Variants in MUSK observed in about 807,000 individuals in gnomAD.
MUSK encodes the protein muscle associated receptor tyrosine kinase.
A neutral mutation model predicts 88.7 loss-of-function variants in MUSK; 55 were observed. The ratio of observed to expected loss-of-function variants is 0.62; its 90% CI spans 0.50 to 0.78. The LOEUF (loss-of-function observed/expected upper bound fraction) is 0.78. Ranked by LOEUF, MUSK falls within the 30% of genes least tolerant of loss-of-function variation. The probability of loss-of-function intolerance (pLI) is 0.00; values close to 1 mark genes in which losing one functional copy is unlikely to be tolerated. For missense variants in MUSK, 1,015 were observed against 1,074.3 expected, an observed-to-expected ratio of 0.94 and a Z score of 0.77; for synonymous variants, 387 against 391.9, an observed-to-expected ratio of 0.99 and a Z score of 0.15.
chr9:110,768,492 A>G (rs762425403), intron 9 of MUSK, among the ~76,000 whole-genome samples: 1 of 152,166 alleles, frequency 6.6e-6, no homozygotes, highest in African/African-American at 2.4e-5. Context: ...CTCTGTCTCA[A>G]ACAAACAAAC....
At chr9:110,689,110 ATAATT>A (rs1177849603) in intron 3 of MUSK, among the ~76,000 whole-genome samples, 1 of 136,200 alleles carries the variant, frequency 7.3e-6, no homozygotes, top group Non-Finnish European at 1.5e-5. Flanking sequence ...ATATAGTTTT[ATAATT>A]TATTTATATA....
At chr9:110,709,932 GC>G (rs952333194) in intron 5 of MUSK, among the ~76,000 whole-genome samples, 16 of 152,096 alleles carry the variant, frequency 1.1e-4, no homozygotes, top group African/African-American at 3.9e-4. Context: ...ATTGCTTGAG[GC>G]CAGGAGTTCG....
chr9:110,741,191 G>T (rs969035334), intron 6 of MUSK, among the ~76,000 whole-genome samples: 1 of 152,020 alleles, frequency 6.6e-6, no homozygotes, highest in African/African-American at 2.4e-5. Flanking sequence ...TAGCTTGATT[G>T]CAGTAATCAT....
At chr9:110,712,826 G>A (rs191690286) in intron 5 of MUSK, among the ~76,000 whole-genome samples, 25 of 152,290 alleles carry the variant, frequency 1.6e-4, no homozygotes, top group African/African-American at 4.8e-4. Flanking sequence ...GGATACAGAC[G>A]AAAGAGAGAT....
intron 1 of MUSK, among the ~76,000 whole-genome samples, chr9:110,678,021 T>C (rs1314516539): frequency 1.3e-5 from 2 of 152,242 alleles, no homozygotes; most frequent in Admixed American, 1.3e-4. Flanking sequence ...AATTTTACTT[T>C]AGGGCTTTAC....
intron 5 of MUSK, among the ~76,000 whole-genome samples, chr9:110,704,800 A>G (rs890067495): frequency 3.9e-5 from 6 of 152,064 alleles, no homozygotes; most frequent in African/African-American, 1.2e-4. Flanking sequence ...CCTGGCCAAC[A>G]TGGTGAAACC....
At chr9:110,735,869 C>G (rs1007831147) in intron 6 of MUSK, among the ~76,000 whole-genome samples, 13 of 152,018 alleles carry the variant, frequency 8.6e-5, no homozygotes, top group Non-Finnish European at 1.8e-4. Context: ...TTTAAACAAC[C>G]AGATCTCACA....
In MUSK at chr9:110,671,641, A is replaced by T. The variant is rs60669317; in HGVS notation, c.79+2658A>T. Among the ~76,000 whole-genome samples, 21 of 152,326 alleles carry T rather than the reference A, an allele frequency of 1.4e-4. No individual in the cohort carries two copies. In the East Asian group the frequency reaches 3.3e-3, roughly 24 times the overall value. On this transcript the variant is annotated intron_variant, in intron 1 of 14. Coordinates refer to ENST00000374448, the MANE Select transcript of MUSK (RefSeq NM_005592.4). ...AATCATTGTCTTTCTGAATCATTTCAACTAGTGATATTTTCAATGATGAAT... is the reference window on the plus strand; with the variant it reads ...AATCATTGTCTTTCTGAATCATTTCTACTAGTGATATTTTCAATGATGAAT...
At chr9:110,706,389 A>T (rs904468782) in intron 5 of MUSK, among the ~76,000 whole-genome samples, 3 of 152,130 alleles carry the variant, frequency 2.0e-5, no homozygotes, top group Non-Finnish European at 4.4e-5. Context: ...TTTCAGGGCC[A>T]TATAGAGGAA....
At chr9:110,719,567 C>T (rs770737364) in intron 5 of MUSK, among the ~76,000 whole-genome samples, 20 of 152,028 alleles carry the variant, frequency 1.3e-4, no homozygotes, top group Admixed American at 4.6e-4. Flanking sequence ...TACACCTTAA[C>T]ACTGGAGCTC....
intron 8 of MUSK, among the ~76,000 whole-genome samples, chr9:110,763,052 CAT>C (rs995173328): frequency 2.2e-4 from 33 of 152,018 alleles, no homozygotes; most frequent in African/African-American, 6.0e-4. Flanking sequence ...ACAATGCGTA[CAT>C]GTTTTAAAAC....
chr9:110,701,484 CTTGT>C (rs963488114), intron 5 of MUSK, among the ~76,000 whole-genome samples: 11 of 151,760 alleles, frequency 7.2e-5, no homozygotes, highest in South Asian at 2.1e-4. Context: ...TTCCGTCTTT[CTTGT>C]TTGTTTGTTT....
intron 8 of MUSK, among the ~76,000 whole-genome samples, chr9:110,764,396 A>G (rs2077443662): frequency 6.6e-6 from 1 of 152,124 alleles, no homozygotes; most frequent in South Asian, 2.1e-4. Flanking sequence ...AAAATGTTTG[A>G]AGTGATAGAT....
chr9:110,744,815 G>A (rs2077152614), intron 6 of MUSK, among the ~76,000 whole-genome samples: 1 of 152,146 alleles, frequency 6.6e-6, no homozygotes, highest in South Asian at 2.1e-4. Flanking sequence ...TGCATTTCCT[G>A]TAACTACCAG....
At chr9:110,719,330 T>G (rs1323598503) in intron 5 of MUSK, among the ~76,000 whole-genome samples, 2 of 152,120 alleles carry the variant, frequency 1.3e-5, no homozygotes, top group Non-Finnish European at 2.9e-5. Flanking sequence ...AAGTTTCTAC[T>G]GTCTTCAAGA....
chr9:110,687,334 T>G, intron 3 of MUSK, 66 bp downstream of exon 3: 1 of 1,576,278 alleles, frequency 6.3e-7, no homozygotes, highest in African/African-American at 1.4e-5. Context: ...TTTGTATTTA[T>G]TTTTTACATT....
chr9:110,785,042 T>C lies in MUSK; in HGVS notation c.1586+26T>C, dbSNP rs484010. ...GTGAGATTCTAGTTTCAGCTAACCA[T>C]GTGTAGTAATATTTTAAAGCCTTGT... is the stretch of plus-strand genomic sequence containing the variant. On this transcript the variant is annotated intron_variant, in intron 12 of 14. Transcript: ENST00000374448. 1,486,293 of 1,598,002 alleles carry C rather than the reference T, an allele frequency of 0.93. 691,822 individuals are homozygous for C. Among genetic ancestry groups the C allele is most frequent in the East Asian group, 1 (44,774 of 44,790 alleles).
Position 110,800,302 on chromosome 9 carries a change from C to G in MUSK, c.1928-4C>G. On this transcript the variant is annotated splice_polypyrimidine_tract_variant and splice_region_variant and intron_variant, in intron 14 of 14. Coordinates refer to ENST00000374448, the MANE Select transcript of MUSK (RefSeq NM_005592.4). ...GACTAACAGGGATGGTCTTTTGGTT[C>G]CAGGAGTGTGTGCTGTCGGGAAGCC... is the stretch of plus-strand genomic sequence containing the variant. 6.3e-7 allele frequency: 1 copy of G among 1,585,114 alleles called. No individual in the cohort carries two copies. Among genetic ancestry groups the G allele is most frequent in the Non-Finnish European group, 8.6e-7 (1 of 1,162,694 alleles).
rs145643932 is a variant in MUSK at position 110,786,746 on chromosome 9, T to C, written c.1779-944T>C. ...ATGTATTAGGGCCAATATTAGCCTA[T>C]GTATCACCTTTGTGCGAATTGGAAT... On this transcript the variant is annotated intron_variant, in intron 13 of 14. Transcript: ENST00000374448. Among the ~76,000 whole-genome samples, 984 of 152,304 alleles carry C rather than the reference T, an allele frequency of 6.5e-3. 6 individuals carry two copies. The highest frequency in any genetic ancestry group is 0.011 in the Non-Finnish European group (764 of 68,018).
Sources: allele counts gnomAD v4.1 joint callset (sites outside exome capture counted in the v4.1 genomes callset), GRCh38; gene constraint gnomAD v4.1.1; transcripts MANE v1.5; gene names NCBI Gene and HGNC (gene_info 2026-07-23, HGNC 2026-07-21).